CEP104: variants seen among roughly 807,000 people sequenced by gnomAD.
The protein encoded by CEP104 is centrosomal protein 104.
A neutral mutation model predicts 113.3 loss-of-function variants in CEP104; 84 were observed. The observed-to-expected ratio is 0.74, with a 90% CI of 0.62 to 0.89. CEP104 has a LOEUF of 0.89. Ranked by LOEUF, CEP104 falls within the 40% of genes least tolerant of loss-of-function variation. CEP104 has a pLI of 0.00. For synonymous variants in CEP104, 378 were observed against 421.7 expected (o/e 0.90, Z 1.27); for missense variants, 1,053 against 1,156.6 (o/e 0.91, Z 1.30).
intron 6 of CEP104, 53 bp downstream of exon 6, chr1:3,844,854 C>T: frequency 4.1e-6 from 6 of 1,469,896 alleles, no homozygotes; most frequent in Non-Finnish European, 5.7e-6. Context: ...CTGACCCTTT[C>T]AGGATTCTGA....
intron 20 of CEP104, among the ~76,000 whole-genome samples, chr1:3,817,054 G>T (rs564781786): frequency 6.6e-6 from 1 of 152,342 alleles, no homozygotes; most frequent in East Asian, 1.9e-4. Context: ...CACGAGGCTG[G>T]GCGCGGTGGC....
In CEP104 at chr1:3,816,378, AGAG is replaced by A. The variant is rs767051915; in HGVS notation, c.2572-11_2572-9del. The A allele has an allele frequency of 1.2e-5, 19 of 1,548,832 alleles. No homozygotes were observed. In the African/African-American group the frequency reaches 2.5e-4, roughly 20 times the overall value. On this transcript the variant is annotated splice_polypyrimidine_tract_variant and intron_variant, in intron 20 of 21. Transcript: ENST00000378230. ...CAGGTGAGCTTTCCATGCCTGCAGC[AGAG>A]GAGGCACACAGAGTGTTAATCAGGC...
Position 3,844,923 on chromosome 1 carries a change from C to G in CEP104, c.550G>C (p.Glu184Gln), listed in dbSNP as rs146922115. The change falls in exon 6 of 22, where the codon GAA (glutamate) becomes CAA (glutamine). Residue 184 changes from glutamate to glutamine, a missense_variant. Physicochemically the swap from Glu to Gln is conservative, Grantham distance 29 (BLOSUM62 2). Coordinates refer to ENST00000378230, the MANE Select transcript of CEP104 (RefSeq NM_014704.4). ...GACTCTTACCTGGCGTACGTTCCTT[C>G]TAGAGCAGGGTCCTCGCTGTTGTGC... ...LGHNSEDPAL[E>Q]GTYARKSDYI... The G allele has an allele frequency of 3.1e-4, 496 of 1,614,054 alleles. No individual in the cohort carries two copies. The highest frequency in any genetic ancestry group is 9.9e-4 in the Middle Eastern group (6 of 6,058).
In CEP104 at chr1:3,833,918, T is replaced by A. The variant is rs1299059150; in HGVS notation, c.1603A>T (p.Thr535Ser). ...CGGGCAGAAGAATCTCCAGTTCTGG[T>A]GAGCAAAACGGGAATGGTCCTCTCC... ...CVERTIPVLL[T>S]RTGDSSARLR... Residue 535 changes from threonine to serine, a missense_variant, in exon 12 of 22, where the codon ACC becomes TCC. Physicochemically the swap from Thr to Ser is moderately conservative, Grantham distance 58 (BLOSUM62 1). Coordinates refer to ENST00000378230, the MANE Select transcript of CEP104 (RefSeq NM_014704.4). 3 of 1,614,118 alleles carry A rather than the reference T, an allele frequency of 1.9e-6. No homozygotes were observed. The highest frequency in any genetic ancestry group is 1.3e-5 in the African/African-American group (1 of 74,948).
rs757541533 is a variant in CEP104, at chr1:3,839,742, C to T, written c.601G>A (p.Ala201Thr). The T allele has an allele frequency of 4.8e-5, 78 of 1,612,750 alleles. No homozygotes were observed. Among genetic ancestry groups the T allele is most frequent in the Non-Finnish European group, 6.4e-5 (75 of 1,179,728 alleles). Residue 201 changes from alanine (A) to threonine (T), a missense_variant, in exon 7 of 22, where the codon GCT becomes ACT. Physicochemically the swap from Ala to Thr is moderately conservative, Grantham distance 58. Transcript: ENST00000378230. ...TCTGGATCTTGGTACATATCAAAAG[C>T]TAAGTCATCTAGCGGAGAGATATAG... ...SDYISPLDDL[A>T]FDMYQDPEVA...
intron 1 of CEP104, chr1:3,855,990 CT>C (rs1434685250): frequency 3.9e-5 from 38 of 969,578 alleles, no homozygotes; most frequent in African/African-American, 3.9e-4. Context: ...CCTCACTACA[CT>C]TTTCCTAGTG....
At position 3,812,199 on chromosome 1, in the gene CEP104, A is replaced by G. The variant is rs1002681725; in HGVS notation, c.*3203T>C. 3.3e-5 allele frequency: 5 copies of G among 152,220 alleles called. No individual in the cohort carries two copies. Among genetic ancestry groups the G allele is most frequent in the Non-Finnish European group, 7.3e-5 (5 of 68,030 alleles). 9.4% of individuals were successfully genotyped at this position (152,220 alleles called of 1,614,324 possible). On this transcript the variant is annotated 3_prime_UTR_variant, in exon 22 of 22. Transcript: ENST00000378230. Reference sequence around the variant, plus strand: ...TTTGTAATTCTGGTACTTGAAATAAAGACAAATAGAAAACTATGTTAAAAT... The same window carrying G: ...TTTGTAATTCTGGTACTTGAAATAAGGACAAATAGAAAACTATGTTAAAAT...
At chr1:3,826,301 C>G (rs1644089594) in intron 17 of CEP104, 69 bp downstream of exon 17, 1 of 1,409,640 alleles carries the variant, frequency 7.1e-7, no homozygotes, top group African/African-American at 1.4e-5. Context: ...GACGCATTCC[C>G]TTTCCAGGGT....
At chr1:3,832,159 C>T (rs115207289) in intron 12 of CEP104, among the ~76,000 whole-genome samples, 66 of 152,366 alleles carry the variant, frequency 4.3e-4, no homozygotes, top group African/African-American at 1.6e-3. Context: ...TCATTTGCAA[C>T]ATATCTTTTG....
intron 1 of CEP104, among the ~76,000 whole-genome samples, chr1:3,854,052 C>A (rs973705997): frequency 6.6e-6 from 1 of 152,224 alleles, no homozygotes; most frequent in South Asian, 2.1e-4. Context: ...GGCTCCCACT[C>A]CTTCGTGACC....
At position 3,813,917 on chromosome 1, in the gene CEP104, C is replaced by T. The variant is rs1235954108; in HGVS notation, c.*1485G>A. On this transcript the variant is annotated 3_prime_UTR_variant, in exon 22 of 22. Transcript: ENST00000378230. The stretch of plus-strand genomic sequence containing the variant: ...GGTTCCTGGTAGGTCTTATATCTTA[C>T]TCAGTATTCTCAGTCAACCAGAGGT... The T allele has an allele frequency of 6.6e-6, 1 of 152,076 alleles. No individual in the cohort carries two copies. The highest frequency in any genetic ancestry group is 2.4e-5 in the African/African-American group (1 of 41,404). 9.4% of individuals were successfully genotyped at this position (152,076 alleles called of 1,614,324 possible). A position where few individuals can be genotyped will look rare whatever the true frequency, so the allele number is the denominator to read the frequency against.
At position 3,812,985 on chromosome 1, in the gene CEP104, TAA is replaced by T. The variant is rs1298470704; in HGVS notation, c.*2415_*2416del. 1.3e-5 allele frequency: 2 copies of T among 152,200 alleles called. No homozygotes were observed. Among genetic ancestry groups the T allele is most frequent in the African/African-American group, 4.8e-5 (2 of 41,468 alleles). The allele number at this position is 152,200 out of a possible 1,614,324, so 9.4% of individuals were successfully genotyped here. A position where few individuals can be genotyped will look rare whatever the true frequency, so the allele number is the denominator to read the frequency against. On this transcript the variant is annotated 3_prime_UTR_variant, in exon 22 of 22. Coordinates refer to ENST00000378230, the MANE Select transcript of CEP104 (RefSeq NM_014704.4). ...GAAGTCTTTTTATAAGTATTTTCTT[TAA>T]GTTACAATATATAGAAGGCATGTGT...
intron 1 of CEP104, among the ~76,000 whole-genome samples, chr1:3,855,174 ATTTTTTTT>A (rs35424750): frequency 8.2e-6 from 1 of 121,274 alleles, no homozygotes; most frequent in Admixed American, 8.5e-5. Flanking sequence ...CCCAGCCCCG[ATTTTTTTT>A]TTTTTTTTTT....
At chr1:3,816,161 C>T (rs1336677627) in intron 21 of CEP104, 119 bp downstream of exon 21, 2 of 798,858 alleles carry the variant, frequency 2.5e-6, no homozygotes, top group Non-Finnish European at 3.9e-6. Context: ...GGCTTGGATG[C>T]TTTATTTTGC....
intron 7 of CEP104, among the ~76,000 whole-genome samples, chr1:3,839,383 CTG>C (rs1490993452): frequency 6.6e-6 from 1 of 152,130 alleles, no homozygotes; most frequent in Non-Finnish European, 1.5e-5. Context: ...AACGAGGTAG[CTG>C]ACCCTGACAC....
At chr1:3,824,519 T>TG (rs1453591257) in intron 18 of CEP104, among the ~76,000 whole-genome samples, 1 of 152,192 alleles carries the variant, frequency 6.6e-6, no homozygotes, top group Non-Finnish European at 1.5e-5. Context: ...ATGCGTCTCT[T>TG]CCTCAAGACA....
chr1:3,831,120 T>C lies in CEP104; in HGVS notation c.1762A>G (p.Met588Val). ...NSSVHLAMSQ[M>V]GLLARLLKDL... The stretch of plus-strand genomic sequence containing the variant: ...TTCAGCAGCCGGGCCAGGAGGCCCA[T>C]CTGACTCATTGCCAGGTGAACTGAA... Residue 588 changes from methionine (M) to valine (V), a missense_variant, in exon 13 of 22, where the codon ATG becomes GTG. Physicochemically the swap from Met to Val is conservative, Grantham distance 21. Coordinates refer to ENST00000378230, the MANE Select transcript of CEP104 (RefSeq NM_014704.4). 6.2e-7 allele frequency: 1 copy of C among 1,614,228 alleles called. No individual in the cohort carries two copies. Among genetic ancestry groups the C allele is most frequent in the Middle Eastern group, 1.7e-4 (1 of 6,056 alleles).
chr1:3,833,268 C>T (rs1570801957), intron 12 of CEP104, among the ~76,000 whole-genome samples: 2 of 152,016 alleles, frequency 1.3e-5, no homozygotes, highest in Admixed American at 6.6e-5. Context: ...TGTGAGCCAC[C>T]GTGCCCAGTC....
chr1:3,830,066 G>A (rs1240741882), intron 13 of CEP104, 69 bp from the exon 14 acceptor site: 9 of 1,147,420 alleles, frequency 7.8e-6, no homozygotes, highest in Non-Finnish European at 1.2e-5. Flanking sequence ...TTACAAAAAA[G>A]GTACATTATA....
Sources: allele counts gnomAD v4.1 joint callset (sites outside exome capture counted in the v4.1 genomes callset), GRCh38; gene constraint gnomAD v4.1.1; transcripts MANE v1.5; gene names NCBI Gene and HGNC (gene_info 2026-07-23, HGNC 2026-07-21).